The following PDE10A variants were observed in gnomAD, a reference collection of about 807,000 sequenced individuals.
PDE10A encodes the protein phosphodiesterase 10A.
A neutral mutation model predicts 97.7 loss-of-function variants in PDE10A; 39 were observed. The ratio of observed to expected loss-of-function variants is 0.40; its 90% CI spans 0.31 to 0.52. PDE10A has a LOEUF of 0.52. Among genes scored for constraint, PDE10A ranks in the 20% least tolerant of loss-of-function variants. The pLI, the probability that PDE10A is intolerant of heterozygous loss-of-function variation, is 0.56. For missense variants in PDE10A, 731 were observed against 1,047.8 expected, an observed-to-expected ratio of 0.70 and a Z score of 4.17; for synonymous variants, 371 against 376.8, an observed-to-expected ratio of 0.98 and a Z score of 0.18.
At chr6:165,346,702 C>T (rs1409415369) in intron 18 of PDE10A, among the ~76,000 whole-genome samples, 1 of 152,150 alleles carries the variant, frequency 6.6e-6, no homozygotes, top group Non-Finnish European at 1.5e-5. Context: ...GGAAGCCCAG[C>T]CCTCCCACAC....
At chr6:165,546,005 A>G (rs1323548964) in intron 1 of PDE10A, among the ~76,000 whole-genome samples, 3 of 152,050 alleles carry the variant, frequency 2.0e-5, no homozygotes, top group Non-Finnish European at 4.4e-5. Flanking sequence ...CAAATCTGGA[A>G]GCAATCAAGA....
chr6:165,743,952 C>G (rs1792787148), intron 1 of PDE10A, among the ~76,000 whole-genome samples: 1 of 152,196 alleles, frequency 6.6e-6, no homozygotes, highest in Non-Finnish European at 1.5e-5. Context: ...TATCCGCACA[C>G]AGGCCAGCGG....
intron 2 of PDE10A, among the ~76,000 whole-genome samples, chr6:165,489,403 A>T (rs1339445532): frequency 1.3e-5 from 2 of 152,164 alleles, no homozygotes; most frequent in African/African-American, 4.8e-5. Context: ...AGGGGAAGAA[A>T]ATCACATCAA....
chr6:165,968,621 C>T (rs567381182), intron 1 of PDE10A, among the ~76,000 whole-genome samples: 2 of 152,302 alleles, frequency 1.3e-5, no homozygotes, highest in East Asian at 3.9e-4. Context: ...ACCCTGACCA[C>T]GTGACATGGA....
At chr6:165,532,683 C>A (rs533138248) in intron 2 of PDE10A, among the ~76,000 whole-genome samples, 2 of 152,234 alleles carry the variant, frequency 1.3e-5, no homozygotes, top group South Asian at 4.1e-4. Flanking sequence ...TGGGGTGAGA[C>A]CCGACCCATG....
intron 18 of PDE10A, among the ~76,000 whole-genome samples, chr6:165,363,203 C>G (rs549869372): frequency 6.6e-6 from 1 of 152,118 alleles, no homozygotes; most frequent in East Asian, 1.9e-4. Context: ...CAGCATAAGC[C>G]AAACCAATGA....
At chr6:165,736,284 A>G (rs1161959919) in intron 1 of PDE10A, among the ~76,000 whole-genome samples, 1 of 152,228 alleles carries the variant, frequency 6.6e-6, no homozygotes, top group African/African-American at 2.4e-5. Flanking sequence ...CATCCATTTG[A>G]ACAACCATCC....
intron 1 of PDE10A, among the ~76,000 whole-genome samples, chr6:165,888,893 A>G (rs749600020): frequency 1.3e-5 from 2 of 152,264 alleles, no homozygotes; most frequent in Non-Finnish European, 2.9e-5. Context: ...GGCCAAATAC[A>G]TAGATAATTC....
chr6:165,569,483 T>C (rs1784945977), intron 1 of PDE10A, among the ~76,000 whole-genome samples: 1 of 152,228 alleles, frequency 6.6e-6, no homozygotes, highest in Non-Finnish European at 1.5e-5. Flanking sequence ...TCACCATTGT[T>C]TAAGTGACTG....
At chr6:165,622,234 C>A (rs74929553) in intron 1 of PDE10A, among the ~76,000 whole-genome samples, 2,422 of 152,182 alleles carry the variant, frequency 0.016, 48 homozygotes, top group African/African-American at 0.052. Context: ...TAAAGTCAAT[C>A]GGGCAACCTC....
intron 1 of PDE10A, among the ~76,000 whole-genome samples, chr6:165,772,338 A>T (rs1426910923): frequency 6.6e-6 from 1 of 152,182 alleles, no homozygotes; most frequent in Non-Finnish European, 1.5e-5. Flanking sequence ...AAAGCCCTAA[A>T]TTCTTAGGGC....
chr6:165,817,739 T>G (rs1035428829), intron 1 of PDE10A, among the ~76,000 whole-genome samples: 2 of 152,160 alleles, frequency 1.3e-5, no homozygotes, highest in African/African-American at 4.8e-5. Flanking sequence ...GTTGTAGCGT[T>G]GACTGTCAAT....
intron 1 of PDE10A, among the ~76,000 whole-genome samples, chr6:165,614,515 A>G (rs1787637249): frequency 6.6e-6 from 1 of 152,144 alleles, no homozygotes. Context: ...CCCTCCTGCA[A>G]TGCTATCTCC....
chr6:165,501,787 A>T (rs2128295247), intron 2 of PDE10A, among the ~76,000 whole-genome samples: 1 of 152,310 alleles, frequency 6.6e-6, no homozygotes, highest in South Asian at 2.1e-4. Flanking sequence ...CTTCTGTCGA[A>T]CTTGACAAGG....
chr6:165,789,599 A>C (rs1778591695), intron 1 of PDE10A, among the ~76,000 whole-genome samples: 1 of 152,214 alleles, frequency 6.6e-6, no homozygotes, highest in South Asian at 2.1e-4. Flanking sequence ...AGCAAATACT[A>C]ATTGCATGGA....
At chr6:165,459,882 A>G (rs1345043716) in intron 3 of PDE10A, among the ~76,000 whole-genome samples, 1 of 152,230 alleles carries the variant, frequency 6.6e-6, no homozygotes, top group Non-Finnish European at 1.5e-5. Context: ...TGTAGAAAAA[A>G]ATCAGCGAGT....
chr6:165,517,289 TTAAA>T (rs1164412702), intron 2 of PDE10A, among the ~76,000 whole-genome samples: 2 of 152,088 alleles, frequency 1.3e-5, no homozygotes, highest in African/African-American at 4.8e-5. Context: ...CTTACAAGTC[TTAAA>T]TAGACTCAAA....
intron 1 of PDE10A, among the ~76,000 whole-genome samples, chr6:165,813,960 G>A (rs1779344924): frequency 6.6e-6 from 1 of 152,288 alleles, no homozygotes; most frequent in Admixed American, 6.5e-5. Context: ...TTGGAAACAA[G>A]GAGTTAACCA....
At chr6:165,501,265 A>G (rs1330264534) in intron 2 of PDE10A, among the ~76,000 whole-genome samples, 3 of 152,160 alleles carry the variant, frequency 2.0e-5, no homozygotes, top group African/African-American at 7.2e-5. Flanking sequence ...ACACCTAGGT[A>G]AAAAGTTCTG....
Sources: gnomAD v4.1 joint callset for allele counts (sites outside exome capture counted in the v4.1 genomes callset) on GRCh38, gnomAD v4.1.1 for gene constraint, MANE v1.5 for transcripts, NCBI Gene and HGNC (gene_info 2026-07-23, HGNC 2026-07-21) for gene names.